TAFAZZIN: variants seen among roughly 807,000 people sequenced by gnomAD.
TAFAZZIN encodes the protein protein G4.5.
A neutral mutation model predicts 27.3 loss-of-function variants in TAFAZZIN; 6 were observed. The ratio of observed to expected loss-of-function variants is 0.22; its 90% CI spans 0.12 to 0.43. The LOEUF is 0.43. Among genes scored for constraint, TAFAZZIN ranks in the 20% least tolerant of loss-of-function variants. TAFAZZIN has a pLI of 1.00. For missense variants in TAFAZZIN, 127 were observed against 244.5 expected (o/e 0.52, Z 3.21); for synonymous variants, 79 against 96.2 (o/e 0.82, Z 1.04).
At chrX:154,414,619 A>C (rs2068428216) in intron 5 of TAFAZZIN, among the ~76,000 whole-genome samples, 1 of 107,525 alleles carries the variant, frequency 9.3e-6, no homozygotes, top group Non-Finnish European at 1.9e-5. Context: ...GTGAACCCGG[A>C]AGGTGGAGCT....
chrX:154,416,087 C>T (rs371304852), intron 5 of TAFAZZIN, among the ~76,000 whole-genome samples: 6 of 105,593 alleles, frequency 5.7e-5, no homozygotes, highest in Non-Finnish European at 9.7e-5. Context: ...GGCGAAACCC[C>T]GTCTCTACTA....
At chrX:154,412,823 T>C in intron 2 of TAFAZZIN, 1 of 282,449 alleles carries the variant, frequency 3.5e-6, no homozygotes, top group Non-Finnish European at 6.4e-6. Context: ...CCTTCAGAGC[T>C]CACCCTGGCT....
Position 154,419,837 on chromosome X carries a change from T to C in TAFAZZIN, c.583+91T>C. On this transcript the variant is annotated intron_variant, in intron 7 of 10. Transcript: ENST00000601016. Reference sequence around the variant, plus strand: ...GCTCCCGCCCCCTCGGGCTGGCTTGTATGGGGGTAGATGGGCGTGTTTGTA... The same window carrying C: ...GCTCCCGCCCCCTCGGGCTGGCTTGCATGGGGGTAGATGGGCGTGTTTGTA... 2.6e-6 allele frequency: 3 copies of C among 1,151,144 alleles called. No homozygotes were observed. The South Asian group carries it at 5.4e-5, about 21-fold the overall frequency. The allele number at this position is 1,151,144 out of a possible 1,213,427, so 94.9% of individuals were successfully genotyped here.
intron 5 of TAFAZZIN, among the ~76,000 whole-genome samples, chrX:154,416,387 A>G (rs1329417113): frequency 7.3e-5 from 8 of 109,592 alleles, no homozygotes; most frequent in Non-Finnish European, 1.5e-4. Flanking sequence ...ATGAGCAGAG[A>G]TCGCGCCACT....
Position 154,420,090 on chromosome X carries a change from T to C in TAFAZZIN, c.642T>C (p.His214=). 8.3e-6 allele frequency: 10 copies of C among 1,211,550 alleles called. No homozygotes were observed. The highest frequency in any genetic ancestry group is 1.7e-5 in the African/African-American group (1 of 57,756). ...HLNPIILPLW[H]VGMNDVLPNS... ...ACCCCATCATCCTGCCCCTGTGGCA[T>C]GTCGGTGAGCCTGGGGACGGGGACA... is the stretch of plus-strand genomic sequence containing the variant. Residue 214 remains histidine, a synonymous_variant, in exon 8 of 11, where the codon CAT becomes CAC. Coordinates refer to ENST00000601016, the MANE Select transcript of TAFAZZIN (RefSeq NM_000116.5).
intron 1 of TAFAZZIN, 31 bp downstream of exon 1, chrX:154,411,983 C>A (rs1557190943): frequency 8.3e-7 from 1 of 1,201,088 alleles, no homozygotes; most frequent in Non-Finnish European, 1.1e-6. Flanking sequence ...GCAGGCCCGC[C>A]CGGGTACCCA....
chrX:154,414,080 A>C, intron 4 of TAFAZZIN, 21 bp from the exon 5 acceptor site: 2 of 1,109,327 alleles, frequency 1.8e-6, no homozygotes, highest in Non-Finnish European at 2.5e-6. Context: ...ATTTGAATCC[A>C]GATTGCTCCT....
At chrX:154,415,416 A>C (rs2068455008) in intron 5 of TAFAZZIN, among the ~76,000 whole-genome samples, 1 of 111,191 alleles carries the variant, frequency 9.0e-6, no homozygotes, top group African/African-American at 3.3e-5. Flanking sequence ...CAGCCTGAGC[A>C]ATATAGTGAG....
At chrX:154,413,043 A>T in intron 2 of TAFAZZIN, 164 bp from the exon 3 acceptor site, 1 of 631,656 alleles carries the variant, frequency 1.6e-6, no homozygotes, top group Non-Finnish European at 2.5e-6. Context: ...GAGAGGGAGG[A>T]GCCAGGGAGA....
intron 7 of TAFAZZIN, 90 bp from the exon 8 acceptor site, chrX:154,419,942 G>C (rs1031964770): frequency 3.5e-6 from 4 of 1,143,461 alleles, no homozygotes; most frequent in Non-Finnish European, 4.8e-6. Context: ...TGAACTGGAG[G>C]ATGTCGGGGG....
rs5986977 is a variant in TAFAZZIN, at chrX:154,413,960, G to A, written c.371-141G>A. On this transcript the variant is annotated intron_variant, in intron 4 of 10. Coordinates refer to ENST00000601016, the MANE Select transcript of TAFAZZIN (RefSeq NM_000116.5). ...AGGAGAACAAACAGGCTTGTGGGGT[G>A]AGAACCCCAGGGGATAGGGGCCATT... 1,591 of 514,653 alleles carry A rather than the reference G, an allele frequency of 3.1e-3. 21 individuals carry two copies. In the African/African-American group the frequency reaches 0.034, roughly 11 times the overall value. 42.4% of individuals were successfully genotyped at this position (514,653 alleles called of 1,213,427 possible).
In TAFAZZIN at chrX:154,411,728, C is replaced by G. The variant is rs782612530; in HGVS notation, c.-116C>G. ...TCCCCTGTTGCGCCGCGCCCCCGTC[C>G]GTCCGTGCGCGGGCCAGTCAGGGGC... On this transcript the variant is annotated 5_prime_UTR_variant, in exon 1 of 11. Coordinates refer to ENST00000601016, the MANE Select transcript of TAFAZZIN (RefSeq NM_000116.5). The G allele has an allele frequency of 1.4e-6, 1 of 721,867 alleles. No homozygotes were observed. The highest frequency in any genetic ancestry group is 2.1e-6 in the Non-Finnish European group (1 of 481,936). The allele number at this position is 721,867 out of a possible 1,213,427, so 59.5% of individuals were successfully genotyped here.
At chrX:154,414,290 A>G (rs1220173989) in intron 5 of TAFAZZIN, 100 bp downstream of exon 5, 1 of 598,517 alleles carries the variant, frequency 1.7e-6, no homozygotes, top group Non-Finnish European at 2.8e-6. Context: ...AGCCTGGGCA[A>G]CATAGTAAGA....
rs782202322 is a variant in TAFAZZIN, at chrX:154,411,561, C to T, written c.-283C>T. ...TTCGCTTTCCGGCGGTTGCACCGGG[C>T]CGGGGTGCCAGCGCCCGCCTTCCCG... is the stretch of plus-strand genomic sequence containing the variant. On this transcript the variant is annotated 5_prime_UTR_variant, in exon 1 of 11. Coordinates refer to ENST00000601016, the MANE Select transcript of TAFAZZIN (RefSeq NM_000116.5). The T allele has an allele frequency of 1.3e-5, 5 of 383,263 alleles. No homozygotes were observed. The highest frequency in any genetic ancestry group is 8.3e-5 in the South Asian group (3 of 36,360). 31.6% of individuals were successfully genotyped at this position (383,263 alleles called of 1,213,427 possible).
At chrX:154,420,626 GCTC>G in intron 9 of TAFAZZIN, 29 bp from the exon 10 acceptor site, 2 of 1,207,796 alleles carry the variant, frequency 1.7e-6, no homozygotes, top group Non-Finnish European at 1.1e-6. Flanking sequence ...CACTCCTACT[GCTC>G]CTCATCACTC....
chrX:154,417,207 G>A (rs1453887888), intron 5 of TAFAZZIN, among the ~76,000 whole-genome samples: 3 of 112,103 alleles, frequency 2.7e-5, no homozygotes, highest in African/African-American at 9.7e-5. Context: ...ACAAAGTCAC[G>A]AATGCAGAGT....
intron 5 of TAFAZZIN, among the ~76,000 whole-genome samples, chrX:154,414,772 C>A (rs1384577311): frequency 1.8e-5 from 2 of 108,655 alleles, no homozygotes; most frequent in Non-Finnish European, 3.8e-5. Context: ...GGGCGGATCA[C>A]GAGGTCAGGA....
At position 154,421,000 on chromosome X, in the gene TAFAZZIN, G is replaced by A. The variant is rs2068615827; in HGVS notation, c.875G>A (p.Arg292Lys). ...EQLHNHLQPG[R>K] ...CTCCACAACCACCTCCAGCCTGGGA[G>A]ATAGGCCTTGCTTGCTGCCTTCTGG... The change falls in exon 11 of 11, where the codon AGA becomes AAA. Residue 292 changes from arginine to lysine, a missense_variant. Coordinates refer to ENST00000601016, the MANE Select transcript of TAFAZZIN (RefSeq NM_000116.5). 1 of 1,206,901 alleles carries A rather than the reference G, an allele frequency of 8.3e-7. No homozygotes were observed. Among genetic ancestry groups the A allele is most frequent in the African/African-American group, 1.7e-5 (1 of 57,284 alleles).
rs782493220 is a variant in TAFAZZIN at position 154,412,032 on chromosome X, C to A, written c.110-54C>A. Reference sequence around the variant, plus strand: ...GTGGGACTTAGGGTGGGGGACGCCGCGGCCCCGACCTAGCGGGCGAGCCCG... The same window carrying A: ...GTGGGACTTAGGGTGGGGGACGCCGAGGCCCCGACCTAGCGGGCGAGCCCG... On this transcript the variant is annotated intron_variant, in intron 1 of 10. Coordinates refer to ENST00000601016, the MANE Select transcript of TAFAZZIN (RefSeq NM_000116.5). 3 of 1,205,111 alleles carry A rather than the reference C, an allele frequency of 2.5e-6. No individual in the cohort carries two copies. In the African/African-American group the frequency reaches 5.2e-5, roughly 21 times the overall value.
Sources: allele counts gnomAD v4.1 joint callset (sites outside exome capture counted in the v4.1 genomes callset), GRCh38; gene constraint gnomAD v4.1.1; transcripts MANE v1.5; gene names NCBI Gene and HGNC (gene_info 2026-07-23, HGNC 2026-07-21).